The following BCAS2 variants were observed in gnomAD, a reference collection of about 807,000 sequenced individuals.
The protein encoded by BCAS2 is pre-mRNA-splicing factor SPF27.
Under a neutral mutation model 35.3 loss-of-function variants are expected in BCAS2, and 34 were observed. The ratio of observed to expected loss-of-function variants is 0.96; its 90% CI spans 0.73 to 1.28. BCAS2 has a LOEUF of 1.28. Among genes scored for constraint, BCAS2 ranks in the 50% most tolerant of loss-of-function variants. BCAS2 has a pLI of 0.00. For missense variants in BCAS2, 221 were observed against 268.1 expected, an observed-to-expected ratio of 0.82 and a Z score of 1.23; for synonymous variants, 75 against 91.6, an observed-to-expected ratio of 0.82 and a Z score of 1.03.
rs1337433829 is a variant in BCAS2 at position 114,576,710 on chromosome 1, T to C, written c.235A>G (p.Ile79Val). Residue 79 changes from isoleucine (I) to valine (V), a missense_variant, in exon 3 of 7, where the codon ATT (isoleucine) becomes GTT (valine). Transcript: ENST00000369541. ...TACCGTTTCATACTGAGCAATTCAA[T>C]TGGTTGTCGAGCAGCCAGTCTTTCA... is the stretch of plus-strand genomic sequence containing the variant. ...EFERLAARQP[I>V]ELLSMKRYEL... is the part of the protein sequence containing the mutation. 8.7e-6 allele frequency: 14 copies of C among 1,611,538 alleles called. No individual in the cohort carries two copies. The highest frequency in any genetic ancestry group is 2.7e-5 in the African/African-American group (2 of 74,868).
At chr1:114,576,265 AG>A in intron 3 of BCAS2, among the ~76,000 whole-genome samples, 1 of 145,510 alleles carries the variant, frequency 6.9e-6, no homozygotes, top group African/African-American at 2.5e-5. Context: ...ATATATATAT[AG>A]TTTTTTTTTC....
At chr1:114,581,004 T>A (rs1654875536) in intron 2 of BCAS2, among the ~76,000 whole-genome samples, 1 of 152,214 alleles carries the variant, frequency 6.6e-6, no homozygotes, top group Non-Finnish European at 1.5e-5. Flanking sequence ...GTAGAGTGAA[T>A]CTTGGCAGGA....
rs573310993 is a variant in BCAS2 at position 114,568,178 on chromosome 1, C to T, written c.630G>A (p.Lys210=). The part of the protein sequence containing the change: ...VQLENEIYQI[K]QQHGEANKEN... ...CTTTGTTTGCCTCTCCATGTTGCTG[C>T]TTAATTTGATAGATTTCATTTTCTA... is the stretch of plus-strand genomic sequence containing the variant. Residue 210 remains lysine (K), a synonymous_variant, in exon 7 of 7, where the codon AAG becomes AAA. Coordinates refer to ENST00000369541, the MANE Select transcript of BCAS2 (RefSeq NM_005872.3). 52 of 1,613,644 alleles carry T rather than the reference C, an allele frequency of 3.2e-5. 1 individual carries two copies. In the South Asian group the frequency reaches 4.6e-4, roughly 14 times the overall value.
At chr1:114,570,549 G>A in intron 5 of BCAS2, 151 bp downstream of exon 5, 2 of 640,932 alleles carry the variant, frequency 3.1e-6, no homozygotes, top group Admixed American at 6.0e-5. Flanking sequence ...TACTTAGGTA[G>A]GGCAAACCCA....
intron 4 of BCAS2, among the ~76,000 whole-genome samples, chr1:114,573,231 T>C (rs1654686296): frequency 2.0e-5 from 3 of 151,194 alleles, no homozygotes; most frequent in South Asian, 2.1e-4. Context: ...TTCAATGTCA[T>C]ATTTTTTCCT....
At chr1:114,579,942 TTCCC>T (rs1654848080) in intron 2 of BCAS2, among the ~76,000 whole-genome samples, 1 of 152,004 alleles carries the variant, frequency 6.6e-6, no homozygotes, top group Non-Finnish European at 1.5e-5. Flanking sequence ...TTTTTTTTTT[TTCCC>T]TTTGAGACAG....
chr1:114,575,453 C>G, intron 4 of BCAS2, 137 bp downstream of exon 4: 1 of 835,544 alleles, frequency 1.2e-6, no homozygotes, highest in Non-Finnish European at 1.7e-6. Context: ...CCTCTGCCTC[C>G]CAAAGGGCTG....
chr1:114,568,491 C>T (rs966491152), intron 6 of BCAS2, among the ~76,000 whole-genome samples: 1 of 151,776 alleles, frequency 6.6e-6, no homozygotes, highest in Non-Finnish European at 1.5e-5. Flanking sequence ...CTCAGCCTCC[C>T]GAGTAGCTGG....
At chr1:114,569,418 A>T (rs1646913594) in intron 6 of BCAS2, among the ~76,000 whole-genome samples, 1 of 152,166 alleles carries the variant, frequency 6.6e-6, no homozygotes, top group Admixed American at 6.6e-5. Context: ...GTAAAAGAAC[A>T]TTTTTAAAAA....
intron 2 of BCAS2, among the ~76,000 whole-genome samples, chr1:114,580,020 A>AACTC (rs1654849843): frequency 6.6e-6 from 1 of 151,338 alleles, no homozygotes; most frequent in African/African-American, 2.4e-5. Context: ...AGCAGTCTTG[A>AACTC]ACTCCCAGGC....
chr1:114,568,755 CTTTTTTTTTT>C (rs67319421), intron 6 of BCAS2, among the ~76,000 whole-genome samples: 9 of 83,234 alleles, frequency 1.1e-4, no homozygotes, highest in African/African-American at 2.3e-4. Context: ...TCTCTGTATT[CTTTTTTTTTT>C]TTTTTTTTTT....
rs1176081969 is a variant in BCAS2, at chr1:114,573,321, T to C, written c.419+2269A>G. Among the ~76,000 whole-genome samples, 5 of 142,986 alleles carry C rather than the reference T, an allele frequency of 3.5e-5. No individual in the cohort carries two copies. The East Asian group carries it at 1.0e-3, about 30-fold the overall frequency. The allele number at this position is 142,986 out of a possible 152,430, so 93.8% of individuals were successfully genotyped here. On this transcript the variant is annotated intron_variant, in intron 4 of 6. Transcript: ENST00000369541. ...CCAATTTCACCTTTCTTCAACAACC[T>C]TCAACTTAATGCCCCATCTTTTTTT...
chr1:114,576,895 A>G, intron 2 of BCAS2, 137 bp from the exon 3 acceptor site: 1 of 616,418 alleles, frequency 1.6e-6, no homozygotes, highest in South Asian at 2.0e-5. Context: ...TCTGAGTTAA[A>G]TGCTCTCTAG....
chr1:114,572,995 C>A (rs141114450), intron 4 of BCAS2, among the ~76,000 whole-genome samples: 1 of 151,766 alleles, frequency 6.6e-6, no homozygotes, highest in African/African-American at 2.4e-5. Flanking sequence ...TATAATCCCA[C>A]CTACTCTGGA....
chr1:114,571,087 G>A (rs1457279398), intron 4 of BCAS2, among the ~76,000 whole-genome samples: 2 of 151,336 alleles, frequency 1.3e-5, no homozygotes, highest in Admixed American at 6.6e-5. Flanking sequence ...AGACAGTCTC[G>A]TTCTGTTGCC....
Position 114,576,712 on chromosome 1 carries a change from G to A in BCAS2, c.233C>T (p.Pro78Leu), listed in dbSNP as rs1233695757. The A allele has an allele frequency of 1.2e-6, 2 of 1,611,122 alleles. No homozygotes were observed. Among genetic ancestry groups the A allele is most frequent in the South Asian group, 1.1e-5 (1 of 90,920 alleles). Residue 78 changes from proline to leucine, a missense_variant, in exon 3 of 7, where the codon CCA becomes CTA. By Grantham distance (98) the Pro-to-Leu change is moderately conservative. Transcript: ENST00000369541. ...CCGTTTCATACTGAGCAATTCAATTGGTTGTCGAGCAGCCAGTCTTTCAAA... is the reference window on the plus strand; with the variant it reads ...CCGTTTCATACTGAGCAATTCAATTAGTTGTCGAGCAGCCAGTCTTTCAAA... ...NEFERLAARQPIELLSMKRYE... is the reference protein window; with the variant it reads ...NEFERLAARQLIELLSMKRYE...
In BCAS2 at chr1:114,573,033, C is replaced by T. The variant is rs1254526342; in HGVS notation, c.420-2283G>A. On this transcript the variant is annotated intron_variant, in intron 4 of 6. Coordinates refer to ENST00000369541, the MANE Select transcript of BCAS2 (RefSeq NM_005872.3). Reference sequence around the variant, plus strand: ...CTGAGGCAGAAGAGTTGCTTGAACCCGGGAGGGTTGCAGTGAGCTGAGATT... The same window carrying T: ...CTGAGGCAGAAGAGTTGCTTGAACCTGGGAGGGTTGCAGTGAGCTGAGATT... Among the ~76,000 whole-genome samples, 5 of 146,648 alleles carry T rather than the reference C, an allele frequency of 3.4e-5. No individual in the cohort carries two copies. The East Asian group carries it at 8.6e-4, about 25-fold the overall frequency.
chr1:114,581,561 C>A lies in BCAS2; in HGVS notation c.31G>T (p.Val11Phe). 6.2e-7 allele frequency: 1 copy of A among 1,613,584 alleles called. No individual in the cohort carries two copies. The highest frequency in any genetic ancestry group is 8.5e-7 in the Non-Finnish European group (1 of 1,179,964). The stretch of plus-strand genomic sequence containing the variant: ...AAATACGGCAGCGCATCCACCACAA[C>A]CTCTCCAGCCACCAAACCTGTGCCC... MAGTGLVAGE[V>F]VVDALPYFDQ... The change falls in exon 1 of 7, where the codon GTT (valine) becomes TTT (phenylalanine). Residue 11 changes from valine (V) to phenylalanine (F), a missense_variant. Coordinates refer to ENST00000369541, the MANE Select transcript of BCAS2 (RefSeq NM_005872.3).
intron 2 of BCAS2, 77 bp downstream of exon 2, chr1:114,581,222 C>A: frequency 6.8e-7 from 1 of 1,473,912 alleles, no homozygotes; most frequent in Non-Finnish European, 9.5e-7. Flanking sequence ...ATGGTTAAAA[C>A]TGGAATTTAA....
Sources: allele counts gnomAD v4.1 joint callset (sites outside exome capture counted in the v4.1 genomes callset), GRCh38; gene constraint gnomAD v4.1.1; transcripts MANE v1.5; gene names NCBI Gene and HGNC (gene_info 2026-07-23, HGNC 2026-07-21).